CHD5: variants seen among roughly 807,000 people sequenced by gnomAD.
The protein encoded by CHD5 is ATP-dependent chromatin remodeler CHD5.
CHD5 carries 69 observed loss-of-function variants against 230.3 expected under a neutral mutation model. That is an observed-to-expected ratio of 0.30 (90% CI 0.25 to 0.37). The LOEUF is 0.37. Among genes scored for constraint, CHD5 ranks in the 10% least tolerant of loss-of-function variants. CHD5 has a pLI of 1.00. For synonymous variants in CHD5, 1,064 were observed against 1,065.9 expected (o/e 1.00, Z 0.03); for missense variants, 1,827 against 2,622.8 (o/e 0.70, Z 6.63).
At chr1:6,120,915 A>T (rs1666459422) in intron 33 of CHD5, among the ~76,000 whole-genome samples, 190 bp downstream of exon 33, 1 of 152,040 alleles carries the variant, frequency 6.6e-6, no homozygotes, top group Non-Finnish European at 1.5e-5. Flanking sequence ...AAAAAAAAAA[A>T]AGTCCATTAA....
intron 25 of CHD5, among the ~76,000 whole-genome samples, chr1:6,127,427 A>C (rs1666576503): frequency 6.6e-6 from 1 of 152,040 alleles, no homozygotes; most frequent in Non-Finnish European, 1.5e-5. Flanking sequence ...CGTTGGTTGC[A>C]GTGAGCTGAT....
chr1:6,172,148 A>G (rs533127710), intron 1 of CHD5, among the ~76,000 whole-genome samples: 38 of 152,214 alleles, frequency 2.5e-4, no homozygotes, highest in Non-Finnish European at 4.9e-4. Flanking sequence ...GAGCCACTGC[A>G]GGCTGCGGCC....
intron 1 of CHD5, among the ~76,000 whole-genome samples, chr1:6,171,790 C>T (rs950704151): frequency 1.6e-4 from 24 of 152,252 alleles, no homozygotes; most frequent in African/African-American, 5.5e-4. Flanking sequence ...TCCTGCCCGT[C>T]CCGGGTGAGG....
chr1:6,137,050 G>T (rs1435585399), intron 15 of CHD5, among the ~76,000 whole-genome samples, 185 bp from the exon 16 acceptor site: 5 of 151,208 alleles, frequency 3.3e-5, no homozygotes, highest in African/African-American at 9.7e-5. Flanking sequence ...ATCCACTGAG[G>T]CTCAGAACAC....
Position 6,103,091 on chromosome 1 carries a change from C to T in CHD5, c.*2383G>A, listed in dbSNP as rs939393832. 2.0e-5 allele frequency: 3 copies of T among 152,516 alleles called. No homozygotes were observed. The highest frequency in any genetic ancestry group is 7.2e-5 in the African/African-American group (3 of 41,472). 9.4% of individuals were successfully genotyped at this position (152,516 alleles called of 1,614,324 possible). A position where few individuals can be genotyped will look rare whatever the true frequency, so the allele number is the denominator to read the frequency against. ...CCAAACATACGGACACCACCATCAC[C>T]ACTTTTGGCAGAGATGACTGACAAA... On this transcript the variant is annotated 3_prime_UTR_variant, in exon 42 of 42. Coordinates refer to ENST00000262450, the MANE Select transcript of CHD5 (RefSeq NM_015557.3).
intron 18 of CHD5, 124 bp downstream of exon 18, chr1:6,135,106 G>T: frequency 8.5e-7 from 1 of 1,177,634 alleles, no homozygotes; most frequent in East Asian, 2.3e-5. Flanking sequence ...GAAAGTGTAT[G>T]CAAAGCATTA....
chr1:6,177,751 A>C (rs924453368), intron 1 of CHD5, among the ~76,000 whole-genome samples: 6 of 152,232 alleles, frequency 3.9e-5, no homozygotes, highest in African/African-American at 1.4e-4. Flanking sequence ...TGAGCAGAGG[A>C]AAGAGCAGGT....
In CHD5 at chr1:6,146,102, GC is replaced by G; in HGVS notation, c.1802+109del. 1 of 1,055,520 alleles carries G rather than the reference GC, an allele frequency of 9.5e-7. No individual in the cohort carries two copies. The highest frequency in any genetic ancestry group is 1.4e-6 in the Non-Finnish European group (1 of 716,878). The allele number at this position is 1,055,520 out of a possible 1,614,324, so 65.4% of individuals were successfully genotyped here. On this transcript the variant is annotated intron_variant, in intron 11 of 41. Transcript: ENST00000262450. This position sits in a 1 kb window ranked among gnomAD's most constrained non-coding sequence, Gnocchi z 5.1. Reference sequence around the variant, plus strand: ...TGCCCACATGTGGTTCTGCACGGCAGCCCCAAAGCAAGGGCCCTGGCACCCT... The same window carrying G: ...TGCCCACATGTGGTTCTGCACGGCAGCCCAAAGCAAGGGCCCTGGCACCCT...
chr1:6,137,324 C>G (rs973491068), intron 15 of CHD5, among the ~76,000 whole-genome samples: 3 of 152,184 alleles, frequency 2.0e-5, no homozygotes, highest in Non-Finnish European at 4.4e-5. Context: ...TGAAGCTGGT[C>G]TCAAACTTCT....
Position 6,155,858 on chromosome 1 carries a change from C to T in CHD5, c.388-141G>A. The stretch of plus-strand genomic sequence containing the variant: ...TGCAATGTAACCAGACCATTCTCAC[C>T]CACCCTAGGAAACATTCAAGCCCTG... On this transcript the variant is annotated intron_variant, in intron 3 of 41. Coordinates refer to ENST00000262450, the MANE Select transcript of CHD5 (RefSeq NM_015557.3). This position sits in a 1 kb window ranked among gnomAD's most constrained non-coding sequence, Gnocchi z 4.0. The T allele has an allele frequency of 1.6e-6, 1 of 643,858 alleles. No individual in the cohort carries two copies. The highest frequency in any genetic ancestry group is 2.6e-5 in the Admixed American group (1 of 38,788). 39.9% of individuals were successfully genotyped at this position (643,858 alleles called of 1,614,324 possible).
chr1:6,115,185 G>A (rs1666360406), intron 33 of CHD5, among the ~76,000 whole-genome samples: 1 of 151,910 alleles, frequency 6.6e-6, no homozygotes, highest in South Asian at 2.1e-4. Flanking sequence ...CGTTAGCCGG[G>A]CGTGGTGGCG....
Position 6,120,705 on chromosome 1 carries a change from C to T in CHD5, c.4912+400G>A, listed in dbSNP as rs114237478. ...TAGTCCCAGCTACAAGAGATCGAGACCATCCTGACCAACATGATGAAATCT... is the reference window on the plus strand; with the variant it reads ...TAGTCCCAGCTACAAGAGATCGAGATCATCCTGACCAACATGATGAAATCT... On this transcript the variant is annotated intron_variant, in intron 33 of 41. Coordinates refer to ENST00000262450, the MANE Select transcript of CHD5 (RefSeq NM_015557.3). Among the ~76,000 whole-genome samples, 1,455 of 152,042 alleles carry T rather than the reference C, an allele frequency of 9.6e-3. 19 individuals carry two copies. The highest frequency in any genetic ancestry group is 0.033 in the African/African-American group (1,366 of 41,450).
At chr1:6,150,743 C>A (rs1399731621) in intron 7 of CHD5, among the ~76,000 whole-genome samples, 1 of 152,094 alleles carries the variant, frequency 6.6e-6, no homozygotes, top group Non-Finnish European at 1.5e-5. Context: ...TCTCCAGTCA[C>A]CACACTGCTA....
chr1:6,138,584 G>A (rs993107532), intron 15 of CHD5, among the ~76,000 whole-genome samples: 6 of 152,228 alleles, frequency 3.9e-5, no homozygotes, highest in Non-Finnish European at 7.3e-5. Flanking sequence ...CGAGGATGCC[G>A]TGCAGCATAG....
At chr1:6,169,783 C>A (rs1667308274) in intron 1 of CHD5, among the ~76,000 whole-genome samples, 1 of 152,156 alleles carries the variant, frequency 6.6e-6, no homozygotes, top group Non-Finnish European at 1.5e-5. Flanking sequence ...GGCCCCAGCG[C>A]CCCAGCCAGC....
In CHD5 at chr1:6,130,101, A is replaced by G. The variant is rs756671607; in HGVS notation, c.3387+103T>C. 2 of 1,351,246 alleles carry G rather than the reference A, an allele frequency of 1.5e-6. No homozygotes were observed. The highest frequency in any genetic ancestry group is 1.3e-5 in the South Asian group (1 of 78,562). 83.7% of individuals were successfully genotyped at this position (1,351,246 alleles called of 1,614,324 possible). On this transcript the variant is annotated intron_variant, in intron 22 of 41. Transcript: ENST00000262450. This position sits in a 1 kb window ranked among gnomAD's most constrained non-coding sequence, Gnocchi z 4.9. ...GGGGAGGGAGGCCCACAGCACCAGG[A>G]TAGGTGAGGGGGTGATGGCAAGAAG... is the stretch of plus-strand genomic sequence containing the variant.
At position 6,126,613 on chromosome 1, in the gene CHD5, C is replaced by T; in HGVS notation, c.4037G>A (p.Arg1346His). The T allele has an allele frequency of 6.2e-7, 1 of 1,613,738 alleles. No individual in the cohort carries two copies. Among genetic ancestry groups the T allele is most frequent in the Non-Finnish European group, 8.5e-7 (1 of 1,180,026 alleles). ...ARNLGKGKRI[R>H]KQVNYNDASQ... Reference sequence around the variant, plus strand: ...GGCATCGTTGTAGTTGACCTGCTTGCGGATGCGCTTGCCCTTGCCCAGGTT... The same window carrying T: ...GGCATCGTTGTAGTTGACCTGCTTGTGGATGCGCTTGCCCTTGCCCAGGTT... The change falls in exon 26 of 42, where the codon CGC (arginine) becomes CAC (histidine). Residue 1346 changes from arginine (R) to histidine (H), a missense_variant. Coordinates refer to ENST00000262450, the MANE Select transcript of CHD5 (RefSeq NM_015557.3). This position sits in a 1 kb window ranked among gnomAD's most constrained non-coding sequence, Gnocchi z 5.7.
At chr1:6,137,081 TG>T (rs1557548579) in intron 15 of CHD5, among the ~76,000 whole-genome samples, 147 of 151,206 alleles carry the variant, frequency 9.7e-4, no homozygotes, top group African/African-American at 3.4e-3. Flanking sequence ...GAGGGTGGTG[TG>T]GAGGAGGAGA....
Position 6,159,971 on chromosome 1 carries a change from A to T in CHD5, c.208-456T>A, listed in dbSNP as rs185194810. Among the ~76,000 whole-genome samples the T allele has an allele frequency of 9.5e-4, 143 of 150,100 alleles. 2 individuals are homozygous for T. The highest frequency in any genetic ancestry group is 3.4e-3 in the African/African-American group (138 of 40,844). Reference sequence around the variant, plus strand: ...GGATGTGGTCCCAGAGTCAAAAAGCAAAGTGCACAGGAAGAGCCCCAGCCA... The same window carrying T: ...GGATGTGGTCCCAGAGTCAAAAAGCTAAGTGCACAGGAAGAGCCCCAGCCA... On this transcript the variant is annotated intron_variant, in intron 2 of 41. Transcript: ENST00000262450.
Sources: allele counts gnomAD v4.1 joint callset (sites outside exome capture counted in the v4.1 genomes callset), GRCh38; gene constraint gnomAD v4.1.1; non-coding constraint Gnocchi (gnomAD v3.1); transcripts MANE v1.5; gene names NCBI Gene and HGNC (gene_info 2026-07-23, HGNC 2026-07-21).